The following SH3RF1 variants were observed in gnomAD, a reference collection of about 807,000 sequenced individuals.
SH3RF1 encodes SH3 domain containing ring finger 1, also known as E3 ubiquitin-protein ligase SH3RF1.
In SH3RF1, 32 loss-of-function variants were observed where a neutral mutation model predicts 74.0. The ratio of observed to expected loss-of-function variants is 0.43; its 90% CI spans 0.33 to 0.58. SH3RF1 has a LOEUF of 0.58. Ranked by LOEUF, SH3RF1 falls within the 20% of genes least tolerant of loss-of-function variation. The probability of loss-of-function intolerance (pLI) is 0.05; values close to 1 mark genes in which losing one functional copy is unlikely to be tolerated. For synonymous variants in SH3RF1, 396 were observed against 439.6 expected, an observed-to-expected ratio of 0.90 and a Z score of 1.24; for missense variants, 954 against 1,130.9, an observed-to-expected ratio of 0.84 and a Z score of 2.24.
chr4:169,260,377 C>T (rs1731258493), intron 2 of SH3RF1, among the ~76,000 whole-genome samples: 1 of 152,180 alleles, frequency 6.6e-6, no homozygotes. Flanking sequence ...CTACCGGCTC[C>T]CCACTGCGCC....
chr4:169,266,618 TG>T (rs1170657487), intron 2 of SH3RF1, among the ~76,000 whole-genome samples: 1 of 8,058 alleles, frequency 1.2e-4, no homozygotes. Context: ...AAAAGGGGGG[TG>T]GGGGGCAGGG....
intron 2 of SH3RF1, among the ~76,000 whole-genome samples, chr4:169,205,522 T>C (rs1051658460): frequency 6.6e-6 from 1 of 152,188 alleles, no homozygotes; most frequent in African/African-American, 2.4e-5. Flanking sequence ...CATGTCAACA[T>C]ACTGCCTGCC....
intron 2 of SH3RF1, among the ~76,000 whole-genome samples, chr4:169,214,396 TC>T (rs1730428563): frequency 1.3e-5 from 2 of 152,220 alleles, no homozygotes; most frequent in African/African-American, 4.8e-5. Context: ...AACCTTTTTT[TC>T]TTTATAAATT....
chr4:169,100,338 C>T lies in SH3RF1; in HGVS notation c.2499-3651G>A, dbSNP rs969757586. ...TTGATGACTTCATTACCTTCCACCT[C>T]GTCAAATATCTTTTTTTTTTAAGAC... On this transcript the variant is annotated intron_variant, in intron 11 of 11. Coordinates refer to ENST00000284637, the MANE Select transcript of SH3RF1 (RefSeq NM_020870.4). Among the ~76,000 whole-genome samples, 7 of 152,056 alleles carry T rather than the reference C, an allele frequency of 4.6e-5. No homozygotes were observed. In the East Asian group the frequency reaches 5.8e-4, roughly 13 times the overall value.
At chr4:169,118,499 G>C (rs533576168) in intron 8 of SH3RF1, among the ~76,000 whole-genome samples, 11 of 152,196 alleles carry the variant, frequency 7.2e-5, no homozygotes, top group Admixed American at 3.3e-4. Context: ...TCTCACTGTT[G>C]CCCAGGCTGG....
chr4:169,251,428 G>C (rs1052788811), intron 2 of SH3RF1, among the ~76,000 whole-genome samples: 1 of 152,164 alleles, frequency 6.6e-6, no homozygotes, highest in Non-Finnish European at 1.5e-5. Flanking sequence ...CACAAAACAA[G>C]ATGACCATCC....
chr4:169,129,945 C>A, intron 6 of SH3RF1, 101 bp downstream of exon 6: 1 of 852,452 alleles, frequency 1.2e-6, no homozygotes, highest in Non-Finnish European at 1.9e-6. Flanking sequence ...CCTCACCTAA[C>A]AAGTATGAAC....
chr4:169,204,873 A>C (rs1473832987), intron 2 of SH3RF1, among the ~76,000 whole-genome samples: 1 of 152,036 alleles, frequency 6.6e-6, no homozygotes. Flanking sequence ...GAAGAGTCTG[A>C]GCTCATATTT....
chr4:169,251,913 G>T (rs1731111569), intron 2 of SH3RF1, among the ~76,000 whole-genome samples: 1 of 152,126 alleles, frequency 6.6e-6, no homozygotes. Context: ...GAAAAGCCTT[G>T]CATATTCATC....
intron 9 of SH3RF1, 56 bp from the exon 10 acceptor site, chr4:169,116,686 C>T: frequency 6.7e-7 from 1 of 1,489,802 alleles, no homozygotes; most frequent in Non-Finnish European, 8.9e-7. Flanking sequence ...AGATGCTGCT[C>T]ACCAAAACAT....
rs765553617 is a variant in SH3RF1, at chr4:169,136,451, T to C, written c.935A>G (p.Asn312Ser). The change falls in exon 5 of 12, where the codon AAC becomes AGC. Residue 312 changes from asparagine to serine, a missense_variant. This residue lies in a region of SH3RF1 where 854 missense variants were observed against 962.5 expected (regional missense o/e 0.89). Transcript: ENST00000284637. ...GTTCTGGGATGCCTGGGAGGACTTG[T>C]TGGCCATAGTGAGGGAAGTGAAGGA... Reference protein sequence around the residue: ...RHSFTSLTMANKSSQASQNRH... With the variant: ...RHSFTSLTMASKSSQASQNRH... 6.2e-7 allele frequency: 1 copy of C among 1,612,742 alleles called. No homozygotes were observed. The highest frequency in any genetic ancestry group is 8.5e-7 in the Non-Finnish European group (1 of 1,179,370).
At chr4:169,108,855 C>T (rs1733193360) in intron 10 of SH3RF1, among the ~76,000 whole-genome samples, 1 of 152,100 alleles carries the variant, frequency 6.6e-6, no homozygotes, top group Admixed American at 6.5e-5. Flanking sequence ...CCTACTAAAG[C>T]TTAGAGGCTG....
At chr4:169,224,654 A>G (rs1730627651) in intron 2 of SH3RF1, among the ~76,000 whole-genome samples, 1 of 152,198 alleles carries the variant, frequency 6.6e-6, no homozygotes, top group African/African-American at 2.4e-5. Flanking sequence ...TCTGTCTACT[A>G]TATGGAAAAC....
intron 10 of SH3RF1, among the ~76,000 whole-genome samples, chr4:169,111,994 G>A (rs942178237): frequency 5.3e-5 from 8 of 152,134 alleles, no homozygotes; most frequent in Middle Eastern, 3.2e-3. Flanking sequence ...GAGAAGCTGC[G>A]ACAGTCCCAT....
At chr4:169,265,219 T>C (rs925878686) in intron 2 of SH3RF1, among the ~76,000 whole-genome samples, 15 of 152,206 alleles carry the variant, frequency 9.9e-5, no homozygotes, top group African/African-American at 3.1e-4. Context: ...TAAGAATGGT[T>C]TGTCTACCAT....
chr4:169,158,601 G>C lies in SH3RF1; in HGVS notation c.394-1922C>G, dbSNP rs191534083. On this transcript the variant is annotated intron_variant, in intron 2 of 11. Transcript: ENST00000284637. ...GACAGATCAGTCTGGCAGTAGTGTG[G>C]AAAATGGACGTGAAGTGGGCAGGCA... Among the ~76,000 whole-genome samples the C allele has an allele frequency of 1.2e-4, 18 of 152,316 alleles. No individual in the cohort carries two copies. In the East Asian group the frequency reaches 3.5e-3, roughly 29 times the overall value.
rs985004792 is a variant in SH3RF1 at position 169,150,551 on chromosome 4, A to G, written c.765+4929T>C. Among the ~76,000 whole-genome samples the G allele has an allele frequency of 3.9e-5, 6 of 152,164 alleles. 1 individual carries two copies. In the South Asian group the frequency reaches 1.2e-3, roughly 32 times the overall value. ...AGAATACAATAATATACTGTTATTA[A>G]CTATAGTCACCCTATAGAACTCTTG... is the stretch of plus-strand genomic sequence containing the variant. On this transcript the variant is annotated intron_variant, in intron 4 of 11. Coordinates refer to ENST00000284637, the MANE Select transcript of SH3RF1 (RefSeq NM_020870.4).
intron 2 of SH3RF1, among the ~76,000 whole-genome samples, chr4:169,215,281 C>T (rs1054743863): frequency 2.0e-5 from 3 of 152,134 alleles, no homozygotes; most frequent in African/African-American, 7.2e-5. Context: ...ACTGAACCAG[C>T]CTTGCATACT....
intron 2 of SH3RF1, among the ~76,000 whole-genome samples, chr4:169,197,030 T>C (rs1288865939): frequency 1.3e-5 from 2 of 152,062 alleles, no homozygotes; most frequent in African/African-American, 4.8e-5. Context: ...TTTTGAGACA[T>C]TGTCTCACTC....
Sources: gnomAD v4.1 joint callset for allele counts (sites outside exome capture counted in the v4.1 genomes callset) on GRCh38, gnomAD v4.1.1 for gene constraint, gnomAD v4.1.1 regional missense constraint, MANE v1.5 for transcripts, NCBI Gene and HGNC (gene_info 2026-07-23, HGNC 2026-07-21) for gene names.